TCTN1: variants seen among roughly 807,000 people sequenced by gnomAD.
The protein encoded by TCTN1 is tectonic family member 1.
In TCTN1, 58 loss-of-function variants were observed where a neutral mutation model predicts 65.8. The observed-to-expected ratio is 0.88, with a 90% CI of 0.71 to 1.10. The LOEUF (loss-of-function observed/expected upper bound fraction) is 1.10, where lower values mean the gene tolerates loss of function less well. Ranked by LOEUF, TCTN1 falls within the 50% of genes least tolerant of loss-of-function variation. The pLI, the probability that TCTN1 is intolerant of heterozygous loss-of-function variation, is 0.00. For synonymous variants in TCTN1, 273 were observed against 289.1 expected (o/e 0.94, Z 0.57); for missense variants, 645 against 719.4 (o/e 0.90, Z 1.18).
intron 12 of TCTN1, chr12:110,646,903 G>A (rs1053108976): frequency 2.0e-4 from 82 of 418,634 alleles, no homozygotes; most frequent in African/African-American, 1.5e-3. Flanking sequence ...AGCAGTTATG[G>A]CCCTAAATGG....
chr12:110,632,599 G>A (rs1369735155), intron 5 of TCTN1, 40 bp downstream of exon 5: 1 of 1,602,816 alleles, frequency 6.2e-7, no homozygotes, highest in South Asian at 1.1e-5. Context: ...GACATTTGCT[G>A]TTATTATTAG....
intron 4 of TCTN1, chr12:110,629,948 A>G (rs949611191): frequency 6.6e-6 from 1 of 152,114 alleles, no homozygotes; most frequent in African/African-American, 2.4e-5. Flanking sequence ...GTAGGAAACC[A>G]TCATTCTCAG....
rs2067159785 is a variant in TCTN1, at chr12:110,644,391, T to C, written c.1332-576T>C. On this transcript the variant is annotated intron_variant, in intron 11 of 14. Transcript: ENST00000397659. This position sits in a 1 kb window ranked among gnomAD's most constrained non-coding sequence, Gnocchi z 4.6. ...AACTGGGAAGGAATGGAACTGCTCGTGGGGCTGAGAGCAGTGGCTCACGCC... is the reference window on the plus strand; with the variant it reads ...AACTGGGAAGGAATGGAACTGCTCGCGGGGCTGAGAGCAGTGGCTCACGCC... 1 of 161,268 alleles carries C rather than the reference T, an allele frequency of 6.2e-6. No homozygotes were observed. The highest frequency in any genetic ancestry group is 1.4e-5 in the Non-Finnish European group (1 of 73,348). 10.0% of individuals were successfully genotyped at this position (161,268 alleles called of 1,614,324 possible). A position where few individuals can be genotyped will look rare whatever the true frequency, so the allele number is the denominator to read the frequency against.
chr12:110,626,493 G>A lies in TCTN1; in HGVS notation c.472+1G>A. 1 of 1,611,444 alleles carries A rather than the reference G, an allele frequency of 6.2e-7. No homozygotes were observed. Among genetic ancestry groups the A allele is most frequent in the Non-Finnish European group, 8.5e-7 (1 of 1,179,118 alleles). Reference sequence around the variant, plus strand: ...ATTTTCTGCATTCATATTACAAACTGTAAGTATTTGACATTGATATATTTT... The same window carrying A: ...ATTTTCTGCATTCATATTACAAACTATAAGTATTTGACATTGATATATTTT... On this transcript the variant is annotated splice_donor_variant, in intron 3 of 14. Transcript: ENST00000397659. LOFTEE classifies it high-confidence loss of function.
chr12:110,618,097 G>A (rs1181053697), intron 1 of TCTN1, among the ~76,000 whole-genome samples: 1 of 145,074 alleles, frequency 6.9e-6, no homozygotes, highest in East Asian at 2.0e-4. Flanking sequence ...TTTTGAGATG[G>A]AGTCTCACTC....
At chr12:110,617,610 G>A (rs2065132695) in intron 1 of TCTN1, among the ~76,000 whole-genome samples, 1 of 151,164 alleles carries the variant, frequency 6.6e-6, no homozygotes, top group Non-Finnish European at 1.5e-5. Context: ...ACAGGCGTGA[G>A]CTATGGGATA....
Position 110,632,427 on chromosome 12 carries a change from ATACTT to A in TCTN1, c.625-42_625-38del, listed in dbSNP as rs757932264. On this transcript the variant is annotated intron_variant, in intron 4 of 14. Coordinates refer to ENST00000397659, the MANE Select transcript of TCTN1 (RefSeq NM_001082538.3). ...TGGGTGCCCAGTAAGTGTTGAATGA[ATACTT>A]TAATTACACCATAACGACTGTTGGT... 6.5e-5 allele frequency: 104 copies of A among 1,604,182 alleles called. No homozygotes were observed. The African/African-American group carries it at 6.5e-4, about 10-fold the overall frequency.
intron 5 of TCTN1, 44 bp from the exon 6 acceptor site, chr12:110,634,626 C>T (rs1325214895): frequency 6.6e-6 from 10 of 1,504,186 alleles, no homozygotes; most frequent in Non-Finnish European, 9.0e-6. Context: ...AAAATTTCTT[C>T]TCTTTTGTAT....
intron 2 of TCTN1, among the ~76,000 whole-genome samples, chr12:110,624,791 A>G (rs919506637): frequency 5.3e-5 from 8 of 151,966 alleles, no homozygotes; most frequent in African/African-American, 1.5e-4. Context: ...CATGTTGGCC[A>G]GGCTGGTCTT....
Position 110,632,570 on chromosome 12 carries a change from G to C in TCTN1, c.712+11G>C. On this transcript the variant is annotated intron_variant, in intron 5 of 14. Coordinates refer to ENST00000397659, the MANE Select transcript of TCTN1 (RefSeq NM_001082538.3). ...ATAATAACCCTGCAGGTAAGAAAGT[G>C]GTCATTCTTCTTTCCTTAGACATTT... The C allele has an allele frequency of 6.2e-7, 1 of 1,612,300 alleles. No homozygotes were observed. The highest frequency in any genetic ancestry group is 8.5e-7 in the Non-Finnish European group (1 of 1,178,584).
intron 6 of TCTN1, chr12:110,636,231 C>G (rs2066558034): frequency 4.4e-6 from 2 of 451,102 alleles, no homozygotes; most frequent in Non-Finnish European, 8.1e-6. Flanking sequence ...TGGAGCCTTC[C>G]TGAGACTAGC....
chr12:110,641,653 T>C, intron 10 of TCTN1, 26 bp downstream of exon 10: 1 of 1,598,870 alleles, frequency 6.3e-7, no homozygotes, highest in Non-Finnish European at 8.6e-7. Flanking sequence ...CTGTAGAGGG[T>C]GGATTTATTT....
chr12:110,618,376 G>A (rs1266076496), intron 1 of TCTN1, among the ~76,000 whole-genome samples: 3 of 152,124 alleles, frequency 2.0e-5, no homozygotes, highest in Non-Finnish European at 2.9e-5. Flanking sequence ...CAGTAGCTGG[G>A]ACTACAGGTG....
chr12:110,622,410 G>C (rs553300796), intron 2 of TCTN1, among the ~76,000 whole-genome samples: 2 of 152,262 alleles, frequency 1.3e-5, no homozygotes, highest in African/African-American at 4.8e-5. Context: ...TGCCTTCAAA[G>C]AGCTTACCGT....
intron 4 of TCTN1, chr12:110,629,309 G>T (rs144001001): frequency 2.3e-4 from 55 of 237,658 alleles, no homozygotes; most frequent in African/African-American, 1.1e-3. Flanking sequence ...GTGAACGTGT[G>T]ACCTACAGAA....
chr12:110,646,709 T>C (rs574338251), intron 12 of TCTN1: 1 of 222,350 alleles, frequency 4.5e-6, no homozygotes, highest in East Asian at 1.2e-4. Flanking sequence ...AGATGTCACA[T>C]CTTAATTGCC....
intron 1 of TCTN1, among the ~76,000 whole-genome samples, chr12:110,619,041 G>A (rs1020294573): frequency 1.3e-5 from 2 of 151,736 alleles, no homozygotes; most frequent in Non-Finnish European, 2.9e-5. Flanking sequence ...AGTTGGGCGT[G>A]GTAGTGCATG....
At chr12:110,648,925 A>AG (rs2067628747) in intron 14 of TCTN1, 118 bp from the exon 15 acceptor site, 4 of 414,424 alleles carry the variant, frequency 9.7e-6, no homozygotes, top group Non-Finnish European at 1.9e-5. Context: ...CACACAGAGG[A>AG]GGGGCCTGGG....
intron 11 of TCTN1, among the ~76,000 whole-genome samples, chr12:110,642,637 G>T (rs1169117992): frequency 6.6e-6 from 1 of 152,084 alleles, no homozygotes; most frequent in East Asian, 1.9e-4. Flanking sequence ...GTCTCGCTCT[G>T]TCTCCTAGGC....
Sources: gnomAD v4.1 joint callset for allele counts (sites outside exome capture counted in the v4.1 genomes callset) on GRCh38, gnomAD v4.1.1 for gene constraint, Gnocchi (gnomAD v3.1) non-coding constraint, MANE v1.5 for transcripts, NCBI Gene and HGNC (gene_info 2026-07-23, HGNC 2026-07-21) for gene names.